SNX29: variants seen among roughly 807,000 people sequenced by gnomAD.
SNX29 encodes the protein sorting nexin-29.
SNX29 carries 78 observed loss-of-function variants against 102.1 expected under a neutral mutation model. That is an observed-to-expected ratio of 0.76 (90% confidence interval 0.64 to 0.92). The LOEUF (loss-of-function observed/expected upper bound fraction) is 0.92, where lower values mean the gene tolerates loss of function less well. Ranked by LOEUF, SNX29 falls within the 40% of genes least tolerant of loss-of-function variation. The pLI, the probability that SNX29 is intolerant of heterozygous loss-of-function variation, is 0.00. For missense variants in SNX29, 1,280 were observed against 1,061.7 expected, an observed-to-expected ratio of 1.21 and a Z score of -2.86; for synonymous variants, 580 against 414.5, an observed-to-expected ratio of 1.40 and a Z score of -4.85.
At position 12,528,603 on chromosome 16, in the gene SNX29, C is replaced by T. The variant is rs373125566; in HGVS notation, c.2318+3762C>T. Among the ~76,000 whole-genome samples, 85 of 152,292 alleles carry T rather than the reference C, an allele frequency of 5.6e-4. 3 individuals are homozygous for T. The South Asian group carries it at 0.017, about 31-fold the overall frequency. ...CTGAACCCCCATCTCCTGTTGTCTC[C>T]TGGGCACTGAGCCAGCATCCCCTCC... is the stretch of plus-strand genomic sequence containing the variant. On this transcript the variant is annotated intron_variant, in intron 20 of 20. Transcript: ENST00000566228.
chr16:12,447,792 C>G (rs2086129341), intron 18 of SNX29, among the ~76,000 whole-genome samples: 1 of 152,200 alleles, frequency 6.6e-6, no homozygotes, highest in Non-Finnish European at 1.5e-5. Context: ...ATGTGTCCCA[C>G]AAAAGCGGGA....
In SNX29 at chr16:12,126,673, G is replaced by A; in HGVS notation, c.1443G>A (p.Lys481=). 1.9e-6 allele frequency: 3 copies of A among 1,614,014 alleles called. No individual in the cohort carries two copies. In the South Asian group the frequency reaches 3.3e-5, roughly 18 times the overall value. The change falls in exon 12 of 21, where the codon AAG becomes AAA. Residue 481 remains lysine (K), a synonymous_variant. Transcript: ENST00000566228. The part of the protein sequence containing the change: ...RQATVAMMNR[K]DELEEENRSL... ...CCACTGTGGCCATGATGAACAGGAA[G>A]GATGAGCTGGAGGAGGAGAACAGGT...
At chr16:12,288,044 G>C (rs1001123541) in intron 15 of SNX29, among the ~76,000 whole-genome samples, 2 of 152,154 alleles carry the variant, frequency 1.3e-5, no homozygotes, top group Non-Finnish European at 2.9e-5. Flanking sequence ...TTTTTAACTA[G>C]CTGGGTACAT....
rs982138568 is a variant in SNX29, at chr16:12,570,063, A to C, written c.*1434A>C. ...CCTAGGCTCGAGGACATCTCTGGAG[A>C]ATCATCTGGAAGGTTTATACTGTGC... On this transcript the variant is annotated 3_prime_UTR_variant, in exon 21 of 21. Transcript: ENST00000566228. 1.3e-5 allele frequency: 8 copies of C among 619,432 alleles called. No individual in the cohort carries two copies. In the East Asian group the frequency reaches 3.9e-4, roughly 30 times the overall value. The allele number at this position is 619,432 out of a possible 1,614,324, so 38.4% of individuals were successfully genotyped here.
At chr16:12,241,968 T>G (rs1386370194) in intron 14 of SNX29, among the ~76,000 whole-genome samples, 2 of 152,168 alleles carry the variant, frequency 1.3e-5, no homozygotes, top group Non-Finnish European at 2.9e-5. Context: ...TTGCGCCGAC[T>G]CCAGCATGCT....
chr16:12,010,357 G>A (rs141609769), intron 3 of SNX29, among the ~76,000 whole-genome samples: 3 of 152,252 alleles, frequency 2.0e-5, no homozygotes, highest in African/African-American at 7.2e-5. Context: ...GCAGTGGCCC[G>A]CACTTGTAAT....
At chr16:12,212,230 G>A (rs1238132305) in intron 14 of SNX29, among the ~76,000 whole-genome samples, 2 of 152,178 alleles carry the variant, frequency 1.3e-5, no homozygotes, top group African/African-American at 2.4e-5. Context: ...TTTCCCCCCG[G>A]AGACTGAAAA....
chr16:12,030,314 C>A (rs553811146), intron 4 of SNX29, among the ~76,000 whole-genome samples: 1 of 152,208 alleles, frequency 6.6e-6, no homozygotes, highest in Non-Finnish European at 1.5e-5. Flanking sequence ...AACTCTGTCT[C>A]ATGAATGTCT....
intron 20 of SNX29, among the ~76,000 whole-genome samples, chr16:12,530,744 C>T (rs548066692): frequency 1.3e-5 from 2 of 152,026 alleles, no homozygotes; most frequent in Non-Finnish European, 2.9e-5. Flanking sequence ...TTAGTAGAGA[C>T]GGGGTTTCTT....
intron 20 of SNX29, among the ~76,000 whole-genome samples, chr16:12,554,987 G>A (rs114251587): frequency 3.3e-5 from 5 of 150,650 alleles, no homozygotes; most frequent in Non-Finnish European, 7.4e-5. Context: ...GTCAGCCGGA[G>A]CACCTTTCTT....
chr16:12,538,144 C>G (rs898357558), intron 20 of SNX29, among the ~76,000 whole-genome samples: 2 of 151,986 alleles, frequency 1.3e-5, no homozygotes, highest in African/African-American at 4.8e-5. Flanking sequence ...GAGACGGAGT[C>G]TCACTCTGTC....
At chr16:12,346,839 G>A (rs977893528) in intron 15 of SNX29, among the ~76,000 whole-genome samples, 1 of 152,114 alleles carries the variant, frequency 6.6e-6, no homozygotes, top group African/African-American at 2.4e-5. Flanking sequence ...TCTCCAGGGG[G>A]GTAGCAGCTG....
intron 15 of SNX29, among the ~76,000 whole-genome samples, chr16:12,314,073 A>G (rs1051355351): frequency 6.6e-6 from 1 of 152,214 alleles, no homozygotes; most frequent in African/African-American, 2.4e-5. Context: ...GCAGCCTCCA[A>G]CTGTTGGGCT....
intron 19 of SNX29, among the ~76,000 whole-genome samples, chr16:12,520,611 C>T: frequency 6.6e-6 from 1 of 152,166 alleles, no homozygotes; most frequent in East Asian, 1.9e-4. Context: ...GGAATACTAT[C>T]AGCCATAAAA....
chr16:12,537,755 T>G (rs565760205), intron 20 of SNX29, among the ~76,000 whole-genome samples: 15 of 152,094 alleles, frequency 9.9e-5, no homozygotes, highest in Admixed American at 8.5e-4. Context: ...CTCTATCCTA[T>G]GTGGGGTTTG....
chr16:12,310,124 A>ACACATG, intron 15 of SNX29, among the ~76,000 whole-genome samples: 1 of 152,126 alleles, frequency 6.6e-6, no homozygotes, highest in Admixed American at 6.5e-5. Flanking sequence ...GTGCACGCAC[A>ACACATG]CATGCATGCA....
intron 13 of SNX29, among the ~76,000 whole-genome samples, chr16:12,136,045 CT>C (rs998851848): frequency 6.6e-6 from 1 of 152,248 alleles, no homozygotes; most frequent in African/African-American, 2.4e-5. Context: ...CAGAGTGCCG[CT>C]GCAGACTTCG....
chr16:12,023,695 A>G (rs908284763), intron 3 of SNX29, among the ~76,000 whole-genome samples: 3 of 152,138 alleles, frequency 2.0e-5, no homozygotes, highest in Non-Finnish European at 2.9e-5. Flanking sequence ...TCATTAACTT[A>G]ATTAACTTCC....
intron 13 of SNX29, among the ~76,000 whole-genome samples, chr16:12,183,379 C>G (rs1027378586): frequency 6.6e-6 from 1 of 151,994 alleles, no homozygotes; most frequent in Admixed American, 6.6e-5. Flanking sequence ...GTACTATAAA[C>G]TTGGATGTAC....
Sources: allele counts gnomAD v4.1 joint callset (sites outside exome capture counted in the v4.1 genomes callset), GRCh38; gene constraint gnomAD v4.1.1; transcripts MANE v1.5; gene names NCBI Gene and HGNC (gene_info 2026-07-23, HGNC 2026-07-21).